VPS13B: variants seen among roughly 807,000 people sequenced by gnomAD.
VPS13B encodes vacuolar protein sorting 13 homolog B.
Under a neutral mutation model 426.4 loss-of-function variants are expected in VPS13B, and 285 were observed. That is an observed-to-expected ratio of 0.67 (90% CI 0.61 to 0.74). The LOEUF (loss-of-function observed/expected upper bound fraction) is 0.74. Among genes scored for constraint, VPS13B ranks in the 30% least tolerant of loss-of-function variants. The pLI is 0.00. For missense variants in VPS13B, 4,537 were observed against 4,782.6 expected (o/e 0.95, Z 1.51); for synonymous variants, 1,676 against 1,676.4 (o/e 1.00, Z 0.01).
intron 35 of VPS13B, among the ~76,000 whole-genome samples, chr8:99,668,204 G>T (rs1830562844): frequency 6.6e-6 from 1 of 151,666 alleles, no homozygotes; most frequent in African/African-American, 2.4e-5. Context: ...TTATGACCCT[G>T]AATTAACCAG....
intron 17 of VPS13B, among the ~76,000 whole-genome samples, chr8:99,230,732 G>A (rs556046281): frequency 6.6e-6 from 1 of 152,292 alleles, no homozygotes; most frequent in East Asian, 1.9e-4. Flanking sequence ...AGAATGTCTG[G>A]TATACCATGA....
chr8:99,506,313 C>G (rs534572652), intron 27 of VPS13B, among the ~76,000 whole-genome samples: 1 of 152,218 alleles, frequency 6.6e-6, no homozygotes, highest in South Asian at 2.1e-4. Flanking sequence ...ATGTTCAACT[C>G]TTTAGTTCCT....
intron 35 of VPS13B, among the ~76,000 whole-genome samples, chr8:99,685,206 TTG>T (rs1427190010): frequency 6.6e-6 from 1 of 152,278 alleles, no homozygotes; most frequent in African/African-American, 2.4e-5. Context: ...TTAATTGCTT[TTG>T]AAACTGGAAA....
At chr8:99,575,395 A>G (rs1563804921) in intron 31 of VPS13B, among the ~76,000 whole-genome samples, 1 of 152,166 alleles carries the variant, frequency 6.6e-6, no homozygotes, top group Non-Finnish European at 1.5e-5. Context: ...AAAATTTAAA[A>G]ATTAATTTGT....
intron 35 of VPS13B, chr8:99,697,681 G>T: frequency 1.6e-6 from 1 of 643,352 alleles, no homozygotes; most frequent in Non-Finnish European, 2.9e-6. Context: ...GCAGATCGAG[G>T]GCTTGATCTC....
At chr8:99,476,284 A>T (rs148139150) in intron 24 of VPS13B, among the ~76,000 whole-genome samples, 184 of 152,310 alleles carry the variant, frequency 1.2e-3, no homozygotes, top group South Asian at 2.3e-3. Flanking sequence ...CAAGTGAGAG[A>T]TTAACCTAAA....
At position 99,625,718 on chromosome 8, in the gene VPS13B, C is replaced by T. The variant is rs1031261163; in HGVS notation, c.5221-16093C>T. 7.3e-5 allele frequency among the ~76,000 whole-genome samples: 11 copies of T among 150,742 alleles called. 1 individual carries two copies. Among genetic ancestry groups the T allele is most frequent in the Admixed American group, 1.3e-4 (2 of 15,120 alleles). On this transcript the variant is annotated intron_variant, in intron 33 of 61. Coordinates refer to ENST00000357162, the MANE Select transcript of VPS13B (RefSeq NM_152564.5). ...AAAATTAGCGAAGTATAGTGGCACA[C>T]GCCTATAGTCGCAGCTACCTGGGAG...
At chr8:99,568,290 A>G (rs201109366) in intron 31 of VPS13B, among the ~76,000 whole-genome samples, 1 of 109,842 alleles carries the variant, frequency 9.1e-6, no homozygotes, top group East Asian at 4.0e-4. Flanking sequence ...TATTATTATT[A>G]TTATTATTAT....
chr8:99,808,133 G>T (rs1431636565), intron 43 of VPS13B, among the ~76,000 whole-genome samples: 1 of 152,016 alleles, frequency 6.6e-6, no homozygotes, highest in Non-Finnish European at 1.5e-5. Flanking sequence ...TTTTTCATGA[G>T]ATTTACCTTT....
At chr8:99,368,432 T>C in intron 19 of VPS13B, among the ~76,000 whole-genome samples, 1 of 152,216 alleles carries the variant, frequency 6.6e-6, no homozygotes, top group Non-Finnish European at 1.5e-5. Context: ...CAAATTACCA[T>C]CTTCATCTTT....
At chr8:99,766,066 C>CCTTT (rs1811205584) in intron 39 of VPS13B, among the ~76,000 whole-genome samples, 1 of 52,314 alleles carries the variant, frequency 1.9e-5, no homozygotes, top group East Asian at 6.4e-4. Flanking sequence ...ACCTTCATTA[C>CCTTT]TTTTTTTTTT....
chr8:99,715,768 G>A (rs928963052), intron 36 of VPS13B, among the ~76,000 whole-genome samples: 7 of 152,142 alleles, frequency 4.6e-5, no homozygotes, highest in Non-Finnish European at 1.0e-4. Flanking sequence ...ACTGAATTAA[G>A]GCTATACTTT....
At chr8:99,640,332 G>A (rs974274406) in intron 33 of VPS13B, among the ~76,000 whole-genome samples, 2 of 151,840 alleles carry the variant, frequency 1.3e-5, no homozygotes, top group Non-Finnish European at 2.9e-5. Context: ...GCTGGAGTGT[G>A]GTGGCATGAT....
intron 31 of VPS13B, among the ~76,000 whole-genome samples, chr8:99,565,839 A>C (rs1429770873): frequency 6.6e-6 from 1 of 152,174 alleles, no homozygotes; most frequent in South Asian, 2.1e-4. Flanking sequence ...ATTTGGGCAC[A>C]GTGGCTCATG....
At chr8:99,264,934 G>A (rs1312407885) in intron 17 of VPS13B, among the ~76,000 whole-genome samples, 3 of 151,194 alleles carry the variant, frequency 2.0e-5, no homozygotes, top group African/African-American at 7.3e-5. Context: ...GGATTTTTTG[G>A]TTTTAATTTA....
At chr8:99,721,878 C>T (rs1235365301) in intron 39 of VPS13B, among the ~76,000 whole-genome samples, 2 of 152,246 alleles carry the variant, frequency 1.3e-5, no homozygotes, top group African/African-American at 4.8e-5. Flanking sequence ...ACTCCAGTAG[C>T]TTCCTAATTG....
chr8:99,253,791 G>A (rs531161988), intron 17 of VPS13B, among the ~76,000 whole-genome samples: 1 of 151,862 alleles, frequency 6.6e-6, no homozygotes, highest in African/African-American at 2.4e-5. Context: ...TGCTATCTCT[G>A]TTTTTCATTT....
At chr8:99,661,290 CAT>C (rs754042712) in intron 34 of VPS13B, 62 bp from the exon 35 acceptor site, 6 of 1,591,900 alleles carry the variant, frequency 3.8e-6, no homozygotes, top group Non-Finnish European at 5.2e-6. Flanking sequence ...AACTCAAACT[CAT>C]ATATCAAAAT....
intron 43 of VPS13B, among the ~76,000 whole-genome samples, chr8:99,788,261 A>T (rs1812365895): frequency 6.6e-6 from 1 of 151,570 alleles, no homozygotes; most frequent in South Asian, 2.1e-4. Context: ...CCACAAAAAA[A>T]TTTAAAAAGT....
Sources: allele counts gnomAD v4.1 joint callset (sites outside exome capture counted in the v4.1 genomes callset), GRCh38; gene constraint gnomAD v4.1.1; transcripts MANE v1.5; gene names NCBI Gene and HGNC (gene_info 2026-07-23, HGNC 2026-07-21).